NOS1AP: variants seen among roughly 807,000 people sequenced by gnomAD.
NOS1AP encodes the protein carboxyl-terminal PDZ ligand of neuronal nitric oxide synthase protein.
A neutral mutation model predicts 56.2 loss-of-function variants in NOS1AP; 21 were observed. That is an observed-to-expected ratio of 0.37 (90% CI 0.26 to 0.54). The LOEUF (loss-of-function observed/expected upper bound fraction) is 0.54, where lower values mean the gene tolerates loss of function less well. Among genes scored for constraint, NOS1AP ranks in the 20% least tolerant of loss-of-function variants. The pLI, the probability that NOS1AP is intolerant of heterozygous loss-of-function variation, is 0.84. For synonymous variants in NOS1AP, 270 were observed against 274.6 expected, an observed-to-expected ratio of 0.98 and a Z score of 0.17; for missense variants, 522 against 657.8, an observed-to-expected ratio of 0.79 and a Z score of 2.26.
chr1:162,161,413 C>G (rs1468053651), intron 2 of NOS1AP, among the ~76,000 whole-genome samples: 5 of 152,208 alleles, frequency 3.3e-5, no homozygotes, highest in African/African-American at 1.2e-4. Context: ...CCTGTTTCTT[C>G]TGTTTACTAG....
chr1:162,206,691 G>A (rs1652174642), intron 2 of NOS1AP, among the ~76,000 whole-genome samples: 1 of 152,208 alleles, frequency 6.6e-6, no homozygotes, highest in Non-Finnish European at 1.5e-5. Flanking sequence ...AGTAGGAAAG[G>A]AGAGTGAAAA....
intron 1 of NOS1AP, among the ~76,000 whole-genome samples, chr1:162,121,040 T>A: frequency 6.6e-6 from 1 of 150,824 alleles, no homozygotes; most frequent in East Asian, 1.9e-4. Flanking sequence ...TGTCGAGGCC[T>A]ATAGAGAGAT....
At chr1:162,295,778 G>A (rs975730617) in intron 3 of NOS1AP, among the ~76,000 whole-genome samples, 1 of 152,164 alleles carries the variant, frequency 6.6e-6, no homozygotes, top group African/African-American at 2.4e-5. Context: ...CATTGCCTAC[G>A]AATTGTGCCA....
At chr1:162,254,833 T>C (rs1417496612) in intron 2 of NOS1AP, among the ~76,000 whole-genome samples, 2 of 152,244 alleles carry the variant, frequency 1.3e-5, no homozygotes, top group African/African-American at 4.8e-5. Context: ...ATCCTCATAT[T>C]GCAGATAAGA....
chr1:162,232,950 G>A (rs1236208758), intron 2 of NOS1AP, among the ~76,000 whole-genome samples: 2 of 152,106 alleles, frequency 1.3e-5, no homozygotes, highest in East Asian at 1.9e-4. Context: ...ACTTGCTGAA[G>A]GACTCATAGC....
At chr1:162,298,911 G>A (rs903766930) in intron 3 of NOS1AP, among the ~76,000 whole-genome samples, 4 of 152,166 alleles carry the variant, frequency 2.6e-5, no homozygotes, top group African/African-American at 9.7e-5. Context: ...CTCAGTAGAT[G>A]GACTCCACAC....
intron 5 of NOS1AP, chr1:162,342,621 T>C (rs555659123): frequency 2.0e-6 from 1 of 496,076 alleles, no homozygotes; most frequent in Non-Finnish European, 4.2e-6. Context: ...AGCTCATCTT[T>C]TTTATTACTA....
At chr1:162,151,359 C>T (rs1345204070) in intron 1 of NOS1AP, among the ~76,000 whole-genome samples, 2 of 152,288 alleles carry the variant, frequency 1.3e-5, no homozygotes, top group South Asian at 2.1e-4. Context: ...GTTTTGGTTA[C>T]ATGTTCTGTA....
intron 1 of NOS1AP, among the ~76,000 whole-genome samples, chr1:162,144,780 G>A (rs1181092182): frequency 6.6e-6 from 1 of 152,116 alleles, no homozygotes; most frequent in Non-Finnish European, 1.5e-5. Flanking sequence ...CAGTTTCTCT[G>A]TCTTCCTGCT....
intron 6 of NOS1AP, among the ~76,000 whole-genome samples, chr1:162,349,462 A>G (rs1362283183): frequency 6.6e-6 from 1 of 152,168 alleles, no homozygotes; most frequent in African/African-American, 2.4e-5. Flanking sequence ...TAGAGGAGCC[A>G]CTGAGGGTTT....
intron 1 of NOS1AP, among the ~76,000 whole-genome samples, chr1:162,087,613 G>T (rs1349561219): frequency 6.6e-6 from 1 of 152,058 alleles, no homozygotes; most frequent in Non-Finnish European, 1.5e-5. Flanking sequence ...AAATCTCAGA[G>T]GTGATCTCTG....
At chr1:162,289,388 CCT>C (rs1185148535) in intron 3 of NOS1AP, among the ~76,000 whole-genome samples, 1 of 151,758 alleles carries the variant, frequency 6.6e-6, no homozygotes, top group Non-Finnish European at 1.5e-5. Context: ...ACCTCCACCC[CCT>C]GAGTTCAACT....
chr1:162,349,198 G>GA (rs551039040), intron 6 of NOS1AP, among the ~76,000 whole-genome samples: 66 of 140,626 alleles, frequency 4.7e-4, no homozygotes, highest in Admixed American at 5.7e-4. Context: ...CAAAAAAGGG[G>GA]AAAAAAAAAA....
In NOS1AP at chr1:162,332,946, C is replaced by T. The variant is rs73029277; in HGVS notation, c.345-71C>T. 1,065 of 1,080,258 alleles carry T rather than the reference C, an allele frequency of 9.9e-4. 10 individuals carry two copies. In the African/African-American group the frequency reaches 0.014, roughly 14 times the overall value. The allele number at this position is 1,080,258 out of a possible 1,614,324, so 66.9% of individuals were successfully genotyped here. On this transcript the variant is annotated intron_variant, in intron 4 of 9. Coordinates refer to ENST00000361897, the MANE Select transcript of NOS1AP (RefSeq NM_014697.3). The stretch of plus-strand genomic sequence containing the variant: ...AGCTGTGCTTCAGAGTGTCCTTAAA[C>T]AGAGCTTTCCTGGTTGGAGATTTGA...
At chr1:162,344,895 G>A (rs1657226823) in intron 6 of NOS1AP, among the ~76,000 whole-genome samples, 2 of 151,932 alleles carry the variant, frequency 1.3e-5, no homozygotes, top group Non-Finnish European at 1.5e-5. Context: ...AACACATACA[G>A]CTATATTTGT....
At chr1:162,319,110 C>G (rs1160328346) in intron 4 of NOS1AP, among the ~76,000 whole-genome samples, 1 of 152,138 alleles carries the variant, frequency 6.6e-6, no homozygotes. Flanking sequence ...GGCCCTGAGC[C>G]CAGGTGCCCT....
intron 2 of NOS1AP, among the ~76,000 whole-genome samples, chr1:162,279,111 T>G (rs1654835225): frequency 6.6e-6 from 1 of 152,184 alleles, no homozygotes; most frequent in Non-Finnish European, 1.5e-5. Flanking sequence ...GTTTTTAACA[T>G]GCTGTGAGAG....
chr1:162,138,747 C>G (rs1018519880), intron 1 of NOS1AP, among the ~76,000 whole-genome samples: 2 of 152,196 alleles, frequency 1.3e-5, no homozygotes, highest in Non-Finnish European at 2.9e-5. Context: ...ATGTGCTTAG[C>G]TGGCAAGGCT....
chr1:162,365,152 T>A, intron 8 of NOS1AP: 1 of 1,415,826 alleles, frequency 7.1e-7, no homozygotes, highest in Non-Finnish European at 9.2e-7. Flanking sequence ...TTGCCCTTGG[T>A]ATGGGTACCT....
Sources: allele counts gnomAD v4.1 joint callset (sites outside exome capture counted in the v4.1 genomes callset), GRCh38; gene constraint gnomAD v4.1.1; transcripts MANE v1.5; gene names NCBI Gene and HGNC (gene_info 2026-07-23, HGNC 2026-07-21).